The following PLEKHA6 variants were observed in gnomAD, a reference collection of about 807,000 sequenced individuals.
PLEKHA6 encodes the protein pleckstrin homology domain-containing family A member 6.
Under a neutral mutation model 116.7 loss-of-function variants are expected in PLEKHA6, and 60 were observed. That is an observed-to-expected ratio of 0.51 (90% CI 0.42 to 0.64). PLEKHA6 has a LOEUF of 0.64. Ranked by LOEUF, PLEKHA6 falls within the 30% of genes least tolerant of loss-of-function variation. The pLI, the probability that PLEKHA6 is intolerant of heterozygous loss-of-function variation, is 0.00. For synonymous variants in PLEKHA6, 489 were observed against 556.1 expected, an observed-to-expected ratio of 0.88 and a Z score of 1.70; for missense variants, 1,338 against 1,422.7, an observed-to-expected ratio of 0.94 and a Z score of 0.96.
chr1:204,360,588 T>C (rs934676800), upstream of PLEKHA6, among the ~76,000 whole-genome samples: 10 of 152,130 alleles, frequency 6.6e-5, no homozygotes, highest in East Asian at 5.8e-4. Flanking sequence ...AGGGCTTCAG[T>C]TGGTAAAAAT....
At chr1:204,321,929 C>T (rs1672076967) in intron 1 of PLEKHA6, among the ~76,000 whole-genome samples, 1 of 152,214 alleles carries the variant, frequency 6.6e-6, no homozygotes, top group African/African-American at 2.4e-5. Context: ...AGGAGCTGCC[C>T]CTGGGGCTCT....
At chr1:204,376,536 A>G (rs1371336980) in intron 1 of PLEKHA6, among the ~76,000 whole-genome samples, 2 of 152,272 alleles carry the variant, frequency 1.3e-5, no homozygotes. Context: ...GGCCTAAAGC[A>G]AATGTGGAAA....
chr1:204,372,038 G>A (rs1673787030), intron 1 of PLEKHA6, among the ~76,000 whole-genome samples: 1 of 152,184 alleles, frequency 6.6e-6, no homozygotes. Flanking sequence ...GGAAAAACAA[G>A]GAAGGTCCTT....
At chr1:204,315,120 T>C (rs1671806563) in intron 1 of PLEKHA6, among the ~76,000 whole-genome samples, 1 of 152,144 alleles carries the variant, frequency 6.6e-6, no homozygotes, top group South Asian at 2.1e-4. Context: ...ATGGTTTAGG[T>C]TAGATAGTAA....
intron 1 of PLEKHA6, among the ~76,000 whole-genome samples, chr1:204,336,136 G>T (rs1286834431): frequency 6.6e-6 from 1 of 152,122 alleles, no homozygotes; most frequent in Non-Finnish European, 1.5e-5. Flanking sequence ...TCTCAGTGCG[G>T]CATCCTAAAC....
At chr1:204,237,679 A>G (rs1401308468) in intron 17 of PLEKHA6, among the ~76,000 whole-genome samples, 2 of 152,216 alleles carry the variant, frequency 1.3e-5, no homozygotes, top group African/African-American at 4.8e-5. Flanking sequence ...CATAAGGCCC[A>G]CCAGAAGCAA....
intron 1 of PLEKHA6, among the ~76,000 whole-genome samples, chr1:204,350,173 T>C (rs1348816244): frequency 2.0e-5 from 3 of 151,990 alleles, no homozygotes; most frequent in African/African-American, 4.8e-5. Context: ...ATACAAAAAT[T>C]AGCTGGGCAC....
chr1:204,329,888 C>CAAAAAAAAAAA (rs35574473), intron 1 of PLEKHA6, among the ~76,000 whole-genome samples: 1 of 118,430 alleles, frequency 8.4e-6, no homozygotes. Flanking sequence ...GACCCTGTCT[C>CAAAAAAAAAAA]AAAAAAAAAA....
At chr1:204,318,918 G>A (rs1489665197) in intron 1 of PLEKHA6, among the ~76,000 whole-genome samples, 4 of 152,182 alleles carry the variant, frequency 2.6e-5, no homozygotes, top group Middle Eastern at 3.2e-3. Context: ...GAGTGAGCCC[G>A]CAGTGCAGAG....
intron 1 of PLEKHA6, among the ~76,000 whole-genome samples, chr1:204,325,529 G>T (rs576889067): frequency 6.6e-6 from 1 of 152,204 alleles, no homozygotes; most frequent in Non-Finnish European, 1.5e-5. Flanking sequence ...AATATTGAGA[G>T]CTCAGGTCCC....
chr1:204,286,863 C>T (rs1458199359), intron 1 of PLEKHA6, among the ~76,000 whole-genome samples: 1 of 152,164 alleles, frequency 6.6e-6, no homozygotes, highest in Non-Finnish European at 1.5e-5. Context: ...CTTTCTTGGC[C>T]TCAAATGCCC....
At chr1:204,334,621 G>A (rs971456195) in intron 1 of PLEKHA6, among the ~76,000 whole-genome samples, 14 of 152,110 alleles carry the variant, frequency 9.2e-5, no homozygotes, top group Admixed American at 3.3e-4. Flanking sequence ...TTGACAGGGC[G>A]CAGTGGGTGG....
rs1429789758 is a variant in PLEKHA6, at chr1:204,229,070, A to G, written c.2618T>C (p.Ile873Thr). 1.2e-6 allele frequency: 2 copies of G among 1,613,756 alleles called. No individual in the cohort carries two copies. Among genetic ancestry groups the G allele is most frequent in the East Asian group, 4.5e-5 (2 of 44,866 alleles). ...CCGCAGGGCTGCCTCCAGGTTGGAG[A>G]TGTCTACCTCATGGATGCTGCGGTG... ...RRHRSIHEVD[I>T]SNLEAALRAE... is the part of the protein sequence containing the mutation. The change falls in exon 19 of 23, where the codon ATC becomes ACC. Residue 873 changes from isoleucine to threonine, a missense_variant. By Grantham distance (89) the Ile-to-Thr change is moderately conservative. This residue lies in a region of PLEKHA6 where 1,136 missense variants were observed against 1,163.6 expected (regional missense o/e 0.98). Transcript: ENST00000272203.
rs966541743 is a variant in PLEKHA6, at chr1:204,256,672, G to C, written c.1524+681C>G. The C allele has an allele frequency of 7.7e-5, 33 of 428,910 alleles. No homozygotes were observed. The East Asian group carries it at 1.2e-3, about 15-fold the overall frequency. 26.6% of individuals were successfully genotyped at this position (428,910 alleles called of 1,614,324 possible). ...GCTGGGAGGGAGGAGGTATCCAGAG[G>C]CTGCTAAAAACCAGCCAGGCCAGGC... On this transcript the variant is annotated intron_variant, in intron 9 of 22. Coordinates refer to ENST00000272203, the MANE Select transcript of PLEKHA6 (RefSeq NM_014935.5).
intron 1 of PLEKHA6, among the ~76,000 whole-genome samples, chr1:204,352,821 C>T (rs1253295221): frequency 6.6e-6 from 1 of 151,784 alleles, no homozygotes; most frequent in Non-Finnish European, 1.5e-5. Flanking sequence ...TCTGTCTCTA[C>T]AAAAAATAAA....
At chr1:204,320,508 G>T in intron 1 of PLEKHA6, 1 of 982,222 alleles carries the variant, frequency 1.0e-6, no homozygotes, top group South Asian at 4.7e-5. Flanking sequence ...GCATGACTCA[G>T]GGAAACAACT....
intron 1 of PLEKHA6, among the ~76,000 whole-genome samples, chr1:204,288,383 GAGA>G (rs984216285): frequency 7.2e-5 from 11 of 152,346 alleles, no homozygotes; most frequent in African/African-American, 2.4e-4. Flanking sequence ...CTCCCATGTG[GAGA>G]AGGAGAGCCC....
intron 1 of PLEKHA6, among the ~76,000 whole-genome samples, chr1:204,315,932 G>A (rs112577553): frequency 7.2e-5 from 11 of 152,146 alleles, no homozygotes; most frequent in Non-Finnish European, 1.2e-4. Context: ...GTAAAGGTTC[G>A]TGTTGGGAAG....
intron 1 of PLEKHA6, among the ~76,000 whole-genome samples, chr1:204,342,708 T>G (rs1444570658): frequency 6.6e-6 from 1 of 152,218 alleles, no homozygotes; most frequent in Non-Finnish European, 1.5e-5. Context: ...CTGATTATGC[T>G]GTGGGCATCT....
Sources: allele counts gnomAD v4.1 joint callset (sites outside exome capture counted in the v4.1 genomes callset), GRCh38; gene constraint gnomAD v4.1.1; regional missense constraint gnomAD v4.1.1; transcripts MANE v1.5; gene names NCBI Gene and HGNC (gene_info 2026-07-23, HGNC 2026-07-21).